Variants in FER observed in about 807,000 individuals in gnomAD.
The protein encoded by FER is FER tyrosine kinase.
A neutral mutation model predicts 111.0 loss-of-function variants in FER; 63 were observed. That is an observed-to-expected ratio of 0.57 (90% CI 0.46 to 0.70). FER has a LOEUF of 0.70. Ranked by LOEUF, FER falls within the 30% of genes least tolerant of loss-of-function variation. The pLI is 0.00. For synonymous variants in FER, 327 were observed against 313.9 expected, an observed-to-expected ratio of 1.04 and a Z score of -0.44; for missense variants, 914 against 954.0, an observed-to-expected ratio of 0.96 and a Z score of 0.55.
At chr5:109,013,091 T>G (rs1766518842) in intron 13 of FER, among the ~76,000 whole-genome samples, 1 of 151,648 alleles carries the variant, frequency 6.6e-6, no homozygotes, top group Non-Finnish European at 1.5e-5. Context: ...ATTTTATTAT[T>G]ATTATACTTT....
At chr5:109,031,395 A>G (rs1295672982) in intron 13 of FER, among the ~76,000 whole-genome samples, 1 of 152,180 alleles carries the variant, frequency 6.6e-6, no homozygotes, top group African/African-American at 2.4e-5. Flanking sequence ...TTATGCTTCT[A>G]GAACTTGTCC....
intron 17 of FER, among the ~76,000 whole-genome samples, chr5:109,155,018 T>C (rs1219945573): frequency 6.6e-6 from 1 of 151,862 alleles, no homozygotes; most frequent in Non-Finnish European, 1.5e-5. Flanking sequence ...CTCTATCATC[T>C]CGATATGTAC....
At chr5:109,105,489 A>G (rs1748797253) in intron 17 of FER, among the ~76,000 whole-genome samples, 1 of 152,164 alleles carries the variant, frequency 6.6e-6, no homozygotes, top group Non-Finnish European at 1.5e-5. Context: ...TAAAGACAAA[A>G]TAAATAAAAA....
At chr5:108,982,310 A>G (rs72789350) in intron 13 of FER, among the ~76,000 whole-genome samples, 17,559 of 152,104 alleles carry the variant, frequency 0.12, 1,105 homozygotes, top group Middle Eastern at 0.16. Context: ...TGTAATTTAG[A>G]TGGAGAATAT....
At chr5:108,834,964 G>A (rs1368635104) in intron 4 of FER, among the ~76,000 whole-genome samples, 3 of 151,946 alleles carry the variant, frequency 2.0e-5, no homozygotes, top group Non-Finnish European at 2.9e-5. Context: ...CTTCTCAAAT[G>A]GCAAATTTGA....
At chr5:108,867,017 G>C (rs950225881) in intron 5 of FER, among the ~76,000 whole-genome samples, 7 of 152,072 alleles carry the variant, frequency 4.6e-5, no homozygotes, top group Non-Finnish European at 1.0e-4. Context: ...TCAGCACCTA[G>C]AACTGCACTA....
intron 6 of FER, among the ~76,000 whole-genome samples, chr5:108,868,312 A>G (rs62360779): frequency 0.22 from 33,602 of 151,042 alleles, 3,905 homozygotes; most frequent in African/African-American, 0.28. Flanking sequence ...ATTTTTTGAA[A>G]GTTTATTTGT....
intron 2 of FER, among the ~76,000 whole-genome samples, chr5:108,780,072 G>A (rs1753888986): frequency 6.6e-6 from 1 of 152,056 alleles, no homozygotes; most frequent in Non-Finnish European, 1.5e-5. Context: ...AAACACATAA[G>A]CATACATAAT....
rs541876702 is a variant in FER at position 108,780,337 on chromosome 5, T to G, written c.-60+12099T>G. Reference sequence around the variant, plus strand: ...GTTTGAGAAACTATTTCTCTTTCACTTTTGAAGGATAATTTTTCAAGGTAC... The same window carrying G: ...GTTTGAGAAACTATTTCTCTTTCACGTTTGAAGGATAATTTTTCAAGGTAC... On this transcript the variant is annotated intron_variant, in intron 2 of 19. Coordinates refer to ENST00000281092, the MANE Select transcript of FER (RefSeq NM_005246.4). Among the ~76,000 whole-genome samples, 4 of 152,078 alleles carry G rather than the reference T, an allele frequency of 2.6e-5. No homozygotes were observed. In the South Asian group the frequency reaches 8.3e-4, roughly 32 times the overall value.
rs1759232209 is a variant in FER at position 109,189,630 on chromosome 5, A to G, written c.*2055A>G. The G allele has an allele frequency of 6.6e-6, 1 of 152,208 alleles. No homozygotes were observed. Among genetic ancestry groups the G allele is most frequent in the Non-Finnish European group, 1.5e-5 (1 of 68,036 alleles). 9.4% of individuals were successfully genotyped at this position (152,208 alleles called of 1,614,324 possible). A position where few individuals can be genotyped will look rare whatever the true frequency, so the allele number is the denominator to read the frequency against. On this transcript the variant is annotated 3_prime_UTR_variant, in exon 20 of 20. Transcript: ENST00000281092. The stretch of plus-strand genomic sequence containing the variant: ...AGGCACTTACCAACCTTCAAAAGTA[A>G]GAGTAAAATGGGATATTCCTACCCT...
At position 108,897,783 on chromosome 5, in the gene FER, A is replaced by C; in HGVS notation, c.1171A>C (p.Asn391His). The C allele has an allele frequency of 6.2e-7, 1 of 1,613,738 alleles. No homozygotes were observed. Among genetic ancestry groups the C allele is most frequent in the Non-Finnish European group, 8.5e-7 (1 of 1,179,790 alleles). ...KELLEQKVQENDGKEPPPVVN... is the reference protein window; with the variant it reads ...KELLEQKVQEHDGKEPPPVVN... ...ATTACTAGAGCAAAAAGTGCAAGAA[A>C]ATGATGGGAAAGAGCCACCTCCAGT... is the stretch of plus-strand genomic sequence containing the variant. The change falls in exon 10 of 20, where the codon AAT becomes CAT. Residue 391 changes from asparagine to histidine, a missense_variant. By Grantham distance (68) the Asn-to-His change is moderately conservative. This residue lies in a region of FER where 774 missense variants were observed against 782.6 expected (regional missense o/e 0.99). Transcript: ENST00000281092.
chr5:109,033,502 G>A (rs1013696067), intron 13 of FER, among the ~76,000 whole-genome samples: 2 of 152,116 alleles, frequency 1.3e-5, no homozygotes, highest in Non-Finnish European at 2.9e-5. Context: ...CCAACTCTGC[G>A]TTACTCAATG....
At chr5:109,047,912 A>G (rs1772221403) in intron 16 of FER, among the ~76,000 whole-genome samples, 2 of 152,302 alleles carry the variant, frequency 1.3e-5, no homozygotes, top group South Asian at 4.1e-4. Flanking sequence ...CAACAAAGAA[A>G]ACTTTGAAGT....
chr5:109,157,272 G>C (rs1294843181), intron 17 of FER, among the ~76,000 whole-genome samples: 1 of 152,032 alleles, frequency 6.6e-6, no homozygotes, highest in Non-Finnish European at 1.5e-5. Context: ...TAAATCTGCT[G>C]GCAGTTCAGT....
intron 16 of FER, among the ~76,000 whole-genome samples, chr5:109,085,661 A>G (rs1033261012): frequency 6.6e-6 from 1 of 151,724 alleles, no homozygotes; most frequent in African/African-American, 2.4e-5. Flanking sequence ...ATATTTTACC[A>G]TTAAGTATGG....
At chr5:109,002,571 T>G (rs1451629239) in intron 13 of FER, among the ~76,000 whole-genome samples, 1 of 152,132 alleles carries the variant, frequency 6.6e-6, no homozygotes, top group African/African-American at 2.4e-5. Flanking sequence ...GGGCAAGGAC[T>G]TCATGTCTAG....
At chr5:108,935,232 G>T (rs545887152) in intron 10 of FER, among the ~76,000 whole-genome samples, 59 of 152,218 alleles carry the variant, frequency 3.9e-4, no homozygotes, top group Middle Eastern at 3.4e-3. Flanking sequence ...TTTTGCCAGG[G>T]TTGATTCCTT....
In FER at chr5:108,891,910, C is replaced by G. The variant is rs559133070; in HGVS notation, c.1047-5749C>G. On this transcript the variant is annotated intron_variant, in intron 9 of 19. Coordinates refer to ENST00000281092, the MANE Select transcript of FER (RefSeq NM_005246.4). The stretch of plus-strand genomic sequence containing the variant: ...ATTCCCACCTATGAGTGAGAACATG[C>G]GGTGTTTGGTTTTTTTGTCCTTGTG... Among the ~76,000 whole-genome samples, 4 of 151,912 alleles carry G rather than the reference C, an allele frequency of 2.6e-5. 1 individual carries two copies. The South Asian group carries it at 8.3e-4, about 32-fold the overall frequency.
At chr5:108,953,025 G>T (rs199527084) in intron 11 of FER, among the ~76,000 whole-genome samples, 1 of 148,616 alleles carries the variant, frequency 6.7e-6, no homozygotes, top group African/African-American at 2.4e-5. Flanking sequence ...TGGTGAGACA[G>T]AAATATTTCT....
Sources: allele counts gnomAD v4.1 joint callset (sites outside exome capture counted in the v4.1 genomes callset), GRCh38; gene constraint gnomAD v4.1.1; regional missense constraint gnomAD v4.1.1; transcripts MANE v1.5; gene names NCBI Gene and HGNC (gene_info 2026-07-23, HGNC 2026-07-21).